STAM: variants seen among roughly 807,000 people sequenced by gnomAD.
STAM encodes signal transducing adaptor molecule.
STAM carries 16 observed loss-of-function variants against 63.4 expected under a neutral mutation model. The observed-to-expected ratio is 0.25, with a 90% CI of 0.17 to 0.38. STAM has a LOEUF of 0.38. Ranked by LOEUF, STAM falls within the 10% of genes least tolerant of loss-of-function variation. The pLI, the probability that STAM is intolerant of heterozygous loss-of-function variation, is 1.00. For synonymous variants in STAM, 238 were observed against 223.9 expected (o/e 1.06, Z -0.56); for missense variants, 636 against 657.1 (o/e 0.97, Z 0.35).
rs1305390162 is a variant in STAM at position 17,715,085 on chromosome 10, CTG to C, written c.*307_*308del. ...CTGCAGAAAGTCAAACTTACAAAAA[CTG>C]TTGTGACAAATGTTATGTACATATA... On this transcript the variant is annotated 3_prime_UTR_variant, in exon 14 of 14. Coordinates refer to ENST00000377524, the MANE Select transcript of STAM (RefSeq NM_003473.4). 5 of 381,284 alleles carry C rather than the reference CTG, an allele frequency of 1.3e-5. No individual in the cohort carries two copies. Among genetic ancestry groups the C allele is most frequent in the African/African-American group, 1.0e-4 (5 of 48,644 alleles). 23.6% of individuals were successfully genotyped at this position (381,284 alleles called of 1,614,324 possible). A position where few individuals can be genotyped will look rare whatever the true frequency, so the allele number is the denominator to read the frequency against.
At chr10:17,697,549 G>A (rs915302536) in intron 8 of STAM, among the ~76,000 whole-genome samples, 5 of 152,278 alleles carry the variant, frequency 3.3e-5, no homozygotes, top group Non-Finnish European at 5.9e-5. Flanking sequence ...AAGTGGGGCC[G>A]TGGAGAAAAA....
chr10:17,680,327 T>C (rs1835029950), intron 2 of STAM, among the ~76,000 whole-genome samples: 1 of 152,144 alleles, frequency 6.6e-6, no homozygotes, highest in Non-Finnish European at 1.5e-5. Context: ...TGTATACCCA[T>C]TAAACAATTA....
At position 17,714,895 on chromosome 10, in the gene STAM, A is replaced by T. The variant is rs1836743010; in HGVS notation, c.*115A>T. On this transcript the variant is annotated 3_prime_UTR_variant, in exon 14 of 14. Transcript: ENST00000377524. ...CAGCTTATAGGAATCTCTCCAGGTC[A>T]ACAGGTTCAAATATTCAAGAAGGTA... The T allele has an allele frequency of 2.0e-6, 2 of 1,015,408 alleles. No homozygotes were observed. The highest frequency in any genetic ancestry group is 4.8e-5 in the East Asian group (2 of 41,834). 62.9% of individuals were successfully genotyped at this position (1,015,408 alleles called of 1,614,324 possible).
At chr10:17,664,465 T>C (rs565422335) in intron 2 of STAM, among the ~76,000 whole-genome samples, 1 of 152,242 alleles carries the variant, frequency 6.6e-6, no homozygotes, top group South Asian at 2.1e-4. Flanking sequence ...AGTTTGCCTT[T>C]AATATTTTAA....
chr10:17,695,346 AC>A, intron 7 of STAM, 105 bp downstream of exon 7: 1 of 1,064,452 alleles, frequency 9.4e-7, no homozygotes, highest in Non-Finnish European at 1.3e-6. Flanking sequence ...ATAAATATTG[AC>A]CCAGATGCTG....
rs1344892796 is a variant in STAM at position 17,705,034 on chromosome 10, C to T, written c.1055+10C>T. ...TGGAAGATATTGATAGGTAAAAGAA[C>T]ATGGGTGCATTTATGTTGTGTACCT... On this transcript the variant is annotated intron_variant, in intron 11 of 13. Transcript: ENST00000377524. The T allele has an allele frequency of 6.2e-7, 1 of 1,611,318 alleles. No individual in the cohort carries two copies. The highest frequency in any genetic ancestry group is 1.7e-5 in the Admixed American group (1 of 59,922).
At chr10:17,674,696 CCAG>C (rs1834774099) in intron 2 of STAM, among the ~76,000 whole-genome samples, 1 of 152,068 alleles carries the variant, frequency 6.6e-6, no homozygotes. Context: ...TGAAGTCAGT[CCAG>C]GTTCAAGGGG....
At chr10:17,701,595 A>T (rs1835999654) in intron 9 of STAM, among the ~76,000 whole-genome samples, 1 of 152,240 alleles carries the variant, frequency 6.6e-6, no homozygotes, top group African/African-American at 2.4e-5. Context: ...GGGCCATTAC[A>T]GAAAAAGTTT....
chr10:17,652,057 G>T (rs1369907437), intron 1 of STAM, among the ~76,000 whole-genome samples: 1 of 152,164 alleles, frequency 6.6e-6, no homozygotes, highest in African/African-American at 2.4e-5. Flanking sequence ...CTCTTTTTGA[G>T]TATTAGTGTA....
chr10:17,714,331 A>G (rs1452264415), intron 13 of STAM, among the ~76,000 whole-genome samples: 1 of 150,050 alleles, frequency 6.7e-6, no homozygotes, highest in Admixed American at 6.7e-5. Context: ...AACTTTTTTT[A>G]CACAATGGTT....
Position 17,644,368 on chromosome 10 carries a change from A to G in STAM, c.29A>G (p.Asp10Gly). 6.2e-7 allele frequency: 1 copy of G among 1,613,972 alleles called. No homozygotes were observed. The change falls in exon 1 of 14, where the codon GAT becomes GGT. Residue 10 changes from aspartate to glycine, a missense_variant. By Grantham distance (94) the Asp-to-Gly change is moderately conservative (BLOSUM62 -1). This residue lies in a region of STAM where 87 missense variants were observed against 80.3 expected (regional missense o/e 1.08). Coordinates refer to ENST00000377524, the MANE Select transcript of STAM (RefSeq NM_003473.4). ...CCTCTTTTTGCCACCAATCCCTTCG[A>G]TCAGGATGTTGGTAAGTGTTTTTGC... is the stretch of plus-strand genomic sequence containing the variant. MPLFATNPFDQDVEKATSEM... is the reference protein window; with the variant it reads MPLFATNPFGQDVEKATSEM...
intron 2 of STAM, among the ~76,000 whole-genome samples, chr10:17,676,023 A>G (rs1589057883): frequency 6.6e-6 from 1 of 152,104 alleles, no homozygotes; most frequent in African/African-American, 2.4e-5. Flanking sequence ...GTGACTGCTG[A>G]TAGAATTCAT....
chr10:17,656,856 C>G (rs1411753981), intron 1 of STAM, among the ~76,000 whole-genome samples: 1 of 152,132 alleles, frequency 6.6e-6, no homozygotes, highest in Non-Finnish European at 1.5e-5. Flanking sequence ...AAGGAAAGTG[C>G]CCTTGGAAGA....
At chr10:17,666,387 ATTTTTTTTTTTT>A (rs10673746) in intron 2 of STAM, among the ~76,000 whole-genome samples, 13 of 85,920 alleles carry the variant, frequency 1.5e-4, no homozygotes, top group East Asian at 3.8e-4. Context: ...TTGGCTTTGT[ATTTTTTTTTTTT>A]TTTTTTTTTT....
Position 17,684,825 on chromosome 10 carries a change from C to G in STAM, c.202-7C>G, listed in dbSNP as rs1835229078. 6.2e-7 allele frequency: 1 copy of G among 1,613,650 alleles called. No homozygotes were observed. The highest frequency in any genetic ancestry group is 1.3e-5 in the African/African-American group (1 of 74,890). Reference sequence around the variant, plus strand: ...AGCCCCTTTAACTTCTGATTTTGTGCTTTTAGCTTCTAGGAGCATGTGTAT... The same window carrying G: ...AGCCCCTTTAACTTCTGATTTTGTGGTTTTAGCTTCTAGGAGCATGTGTAT... On this transcript the variant is annotated splice_region_variant and splice_polypyrimidine_tract_variant and intron_variant, in intron 3 of 13. Coordinates refer to ENST00000377524, the MANE Select transcript of STAM (RefSeq NM_003473.4).
At chr10:17,674,497 A>G (rs1834766858) in intron 2 of STAM, among the ~76,000 whole-genome samples, 1 of 152,100 alleles carries the variant, frequency 6.6e-6, no homozygotes. Flanking sequence ...TCACCTGGCT[A>G]TCAGGTGAAA....
chr10:17,711,695 G>T (rs994059569), intron 13 of STAM, among the ~76,000 whole-genome samples: 1 of 152,152 alleles, frequency 6.6e-6, no homozygotes, highest in Non-Finnish European at 1.5e-5. Context: ...GAAAGGCGTG[G>T]TATGTATCGG....
intron 11 of STAM, 101 bp from the exon 12 acceptor site, chr10:17,705,487 G>A: frequency 1.5e-6 from 2 of 1,321,440 alleles, no homozygotes; most frequent in Non-Finnish European, 2.1e-6. Flanking sequence ...ATGTCTACTA[G>A]TACTACTTTT....
At chr10:17,649,114 C>G (rs1329587874) in intron 1 of STAM, among the ~76,000 whole-genome samples, 3 of 152,152 alleles carry the variant, frequency 2.0e-5, no homozygotes, top group Admixed American at 1.3e-4. Context: ...TAAAAAATAT[C>G]CTTCTTGGGC....
Sources: gnomAD v4.1 joint callset for allele counts (sites outside exome capture counted in the v4.1 genomes callset) on GRCh38, gnomAD v4.1.1 for gene constraint, gnomAD v4.1.1 regional missense constraint, MANE v1.5 for transcripts, NCBI Gene and HGNC (gene_info 2026-07-23, HGNC 2026-07-21) for gene names.